Variants in ADD3 observed in about 807,000 individuals in gnomAD.
ADD3 encodes adducin 3, also known as gamma-adducin.
A neutral mutation model predicts 80.2 loss-of-function variants in ADD3; 25 were observed. The observed-to-expected ratio is 0.31, with a 90% CI of 0.23 to 0.44. The LOEUF (loss-of-function observed/expected upper bound fraction) is 0.44. ADD3 is among the 20% of genes least tolerant of loss of function. The pLI, the probability that ADD3 is intolerant of heterozygous loss-of-function variation, is 1.00. For missense variants in ADD3, 829 were observed against 847.5 expected, an observed-to-expected ratio of 0.98 and a Z score of 0.27; for synonymous variants, 284 against 289.6, an observed-to-expected ratio of 0.98 and a Z score of 0.20.
intron 1 of ADD3, among the ~76,000 whole-genome samples, chr10:110,025,892 T>C (rs1854230114): frequency 6.6e-6 from 1 of 152,162 alleles, no homozygotes; most frequent in Non-Finnish European, 1.5e-5. Context: ...GAGGCTTCTT[T>C]TCAAGATATC....
In ADD3 at chr10:110,100,620, T is replaced by C. The variant is rs1200507786; in HGVS notation, c.-29-5T>C. On this transcript the variant is annotated splice_polypyrimidine_tract_variant and splice_region_variant and intron_variant, in intron 1 of 14. Transcript: ENST00000356080. ...GGATGTCCTTCTTTGTGTTTATTAATGCAGATAACAAGAGTAATCCACAGA... is the reference window on the plus strand; with the variant it reads ...GGATGTCCTTCTTTGTGTTTATTAACGCAGATAACAAGAGTAATCCACAGA... 1.3e-6 allele frequency: 2 copies of C among 1,505,346 alleles called. No individual in the cohort carries two copies. The highest frequency in any genetic ancestry group is 2.4e-5 in the East Asian group (1 of 41,296). The allele number at this position is 1,505,346 out of a possible 1,614,324, so 93.2% of individuals were successfully genotyped here.
chr10:110,122,186 A>G lies in ADD3; in HGVS notation c.1037A>G (p.Tyr346Cys). ...LDFQKYKAFT[Y>C]TVAASGGGGV... Reference sequence around the variant, plus strand: ...TTTCAGAAGTATAAAGCTTTCACTTACACTGTAGCAGCGTCTGGTGGAGGA... The same window carrying G: ...TTTCAGAAGTATAAAGCTTTCACTTGCACTGTAGCAGCGTCTGGTGGAGGA... The change falls in exon 9 of 15, where the codon TAC becomes TGC. Residue 346 changes from tyrosine to cysteine, a missense_variant. Physicochemically the swap from Tyr to Cys is radical, Grantham distance 194. Transcript: ENST00000356080. 6.2e-7 allele frequency: 1 copy of G among 1,614,198 alleles called. No homozygotes were observed. The highest frequency in any genetic ancestry group is 8.5e-7 in the Non-Finnish European group (1 of 1,180,018).
chr10:110,041,307 T>G (rs563208957), intron 1 of ADD3, among the ~76,000 whole-genome samples: 94 of 152,280 alleles, frequency 6.2e-4, no homozygotes, highest in African/African-American at 2.2e-3. Context: ...AAGGTGAATG[T>G]GCAGAGTGAG....
At chr10:110,069,908 G>A (rs926446913) in intron 1 of ADD3, among the ~76,000 whole-genome samples, 3 of 152,146 alleles carry the variant, frequency 2.0e-5, no homozygotes, top group African/African-American at 7.2e-5. Context: ...ACTGTGGTTC[G>A]CTAATAGATT....
At chr10:110,090,002 C>T (rs1002118117) in intron 1 of ADD3, among the ~76,000 whole-genome samples, 1 of 152,044 alleles carries the variant, frequency 6.6e-6, no homozygotes, top group Non-Finnish European at 1.5e-5. Flanking sequence ...AAGCAAGTAA[C>T]TGCCTCTCTT....
At chr10:110,106,635 T>C (rs1020440853) in intron 2 of ADD3, among the ~76,000 whole-genome samples, 4 of 152,114 alleles carry the variant, frequency 2.6e-5, no homozygotes, top group African/African-American at 4.8e-5. Flanking sequence ...TTGATAGATA[T>C]ATAAAATAAA....
rs114395448 is a variant in ADD3, at chr10:110,008,845, C to A, written c.-30+546C>A. On this transcript the variant is annotated intron_variant, in intron 1 of 14. Coordinates refer to ENST00000356080, the MANE Select transcript of ADD3 (RefSeq NM_016824.5). ...TTCTCCTATAATCCGCTTCCCCACC[C>A]CCCAACACAGACACACACAAACACA... is the stretch of plus-strand genomic sequence containing the variant. Among the ~76,000 whole-genome samples, 1,091 of 152,256 alleles carry A rather than the reference C, an allele frequency of 7.2e-3. 19 individuals carry two copies. Among genetic ancestry groups the A allele is most frequent in the African/African-American group, 0.025 (1,024 of 41,540 alleles).
rs575859089 is a variant in ADD3 at position 110,121,029 on chromosome 10, C to A, written c.961-1081C>A. On this transcript the variant is annotated intron_variant, in intron 8 of 14. Transcript: ENST00000356080. ...ATGGATTAAAGATTTAAACGTTAGA[C>A]CTAAAACCATAAAAACCTTAGAAGA... Among the ~76,000 whole-genome samples, 10 of 151,966 alleles carry A rather than the reference C, an allele frequency of 6.6e-5. No homozygotes were observed. In the East Asian group the frequency reaches 1.2e-3, roughly 18 times the overall value.
At chr10:110,009,453 A>C (rs988831073) in intron 1 of ADD3, among the ~76,000 whole-genome samples, 1 of 152,184 alleles carries the variant, frequency 6.6e-6, no homozygotes, top group Non-Finnish European at 1.5e-5. Context: ...AGTACAGTGC[A>C]ATTTGTCGTT....
chr10:110,085,015 G>A (rs1564949626), intron 1 of ADD3, among the ~76,000 whole-genome samples: 1 of 152,060 alleles, frequency 6.6e-6, no homozygotes, highest in Non-Finnish European at 1.5e-5. Context: ...GACTTGGGTT[G>A]TTGTCTCTTT....
At chr10:110,027,256 G>A (rs1854421960) in intron 1 of ADD3, among the ~76,000 whole-genome samples, 1 of 152,146 alleles carries the variant, frequency 6.6e-6, no homozygotes, top group Admixed American at 6.5e-5. Context: ...GAGCTATCAA[G>A]AGTTGTAATC....
intron 1 of ADD3, among the ~76,000 whole-genome samples, chr10:110,030,998 A>G (rs1011794065): frequency 6.8e-6 from 1 of 146,806 alleles, no homozygotes; most frequent in Non-Finnish European, 1.5e-5. Flanking sequence ...TTGTAAGTCC[A>G]GGCACGGTGG....
At position 110,119,252 on chromosome 10, in the gene ADD3, G is replaced by T. The variant is rs762441928; in HGVS notation, c.759G>T (p.Glu253Asp). 1.2e-6 allele frequency: 2 copies of T among 1,614,138 alleles called. No homozygotes were observed. The highest frequency in any genetic ancestry group is 1.7e-6 in the Non-Finnish European group (2 of 1,180,008). ...GTGGGATCCTTCCAATTTCTCAAGA[G>T]TCTCTTCTTCTGGGAGATGTTGCCT... Reference protein sequence around the residue: ...MKCGILPISQESLLLGDVAYY... With the variant: ...MKCGILPISQDSLLLGDVAYY... Residue 253 changes from glutamate to aspartate, a missense_variant, in exon 7 of 15, where the codon GAG (glutamate) becomes GAT (aspartate). Glu to Asp is a conservative substitution (Grantham distance 45). Transcript: ENST00000356080.
intron 1 of ADD3, among the ~76,000 whole-genome samples, chr10:110,008,676 A>C (rs1240006854): frequency 1.3e-5 from 2 of 152,342 alleles, no homozygotes; most frequent in Non-Finnish European, 2.9e-5. Flanking sequence ...GGGGACCTTA[A>C]GCCCTGAAGG....
chr10:110,103,521 C>T (rs1849075518), intron 2 of ADD3, among the ~76,000 whole-genome samples: 1 of 152,184 alleles, frequency 6.6e-6, no homozygotes, highest in African/African-American at 2.4e-5. Flanking sequence ...GTGTTCTTCC[C>T]CAGAGCAAGG....
At chr10:110,051,104 C>T (rs1344787115) in intron 1 of ADD3, among the ~76,000 whole-genome samples, 1 of 151,958 alleles carries the variant, frequency 6.6e-6, no homozygotes, top group Admixed American at 6.6e-5. Context: ...AACTGGATGT[C>T]CTCATGCAAA....
intron 1 of ADD3, among the ~76,000 whole-genome samples, chr10:110,040,112 AG>A (rs1856118230): frequency 6.6e-6 from 1 of 152,236 alleles, no homozygotes; most frequent in African/African-American, 2.4e-5. Context: ...TGGGATGGTT[AG>A]GGACTTCTTA....
At chr10:110,027,094 CA>C (rs1854405980) in intron 1 of ADD3, among the ~76,000 whole-genome samples, 1 of 152,014 alleles carries the variant, frequency 6.6e-6, no homozygotes, top group South Asian at 2.1e-4. Flanking sequence ...TATATGAAAC[CA>C]AAAATTGGAA....
At chr10:110,097,977 G>T (rs1403774881) in intron 1 of ADD3, among the ~76,000 whole-genome samples, 1 of 151,944 alleles carries the variant, frequency 6.6e-6, no homozygotes, top group Non-Finnish European at 1.5e-5. Flanking sequence ...GAGTTTCACC[G>T]TGTTGGCCAG....
Sources: allele counts gnomAD v4.1 joint callset (sites outside exome capture counted in the v4.1 genomes callset), GRCh38; gene constraint gnomAD v4.1.1; transcripts MANE v1.5; gene names NCBI Gene and HGNC (gene_info 2026-07-23, HGNC 2026-07-21).